Variants in CACNA1E observed in about 807,000 individuals in gnomAD.
CACNA1E encodes calcium voltage-gated channel subunit alpha1 E.
Under a neutral mutation model 259.2 loss-of-function variants are expected in CACNA1E, and 40 were observed. The observed-to-expected ratio is 0.15, with a 90% confidence interval of 0.12 to 0.20. The LOEUF is 0.20. Among genes scored for constraint, CACNA1E ranks in the 10% least tolerant of loss-of-function variants. CACNA1E has a pLI of 1.00. For synonymous variants in CACNA1E, 1,104 were observed against 1,138.5 expected (o/e 0.97, Z 0.61); for missense variants, 1,874 against 3,040.1 (o/e 0.62, Z 9.02).
Position 181,800,373 on chromosome 1 carries a change from T to C in CACNA1E, c.*1539T>C, listed in dbSNP as rs1662183173. 6.6e-6 allele frequency: 1 copy of C among 152,600 alleles called. No individual in the cohort carries two copies. Among genetic ancestry groups the C allele is most frequent in the African/African-American group, 2.4e-5 (1 of 41,416 alleles). The allele number at this position is 152,600 out of a possible 1,614,324, so 9.5% of individuals were successfully genotyped here. A position where few individuals can be genotyped will look rare whatever the true frequency, so the allele number is the denominator to read the frequency against. ...TGGGGCTGACAGTCCCACCCTGTCA[T>C]TCCTAATAGCCCAAACGCAGAAGCA... On this transcript the variant is annotated 3_prime_UTR_variant, in exon 48 of 48. Transcript: ENST00000367573.
At chr1:181,691,148 C>T (rs1246469955) in intron 7 of CACNA1E, among the ~76,000 whole-genome samples, 1 of 151,944 alleles carries the variant, frequency 6.6e-6, no homozygotes, top group Non-Finnish European at 1.5e-5. Context: ...CTATTAGCCT[C>T]ACTTTCAGTT....
rs1457641952 is a variant in CACNA1E, at chr1:181,804,501, A to G, written c.*5667A>G. The G allele has an allele frequency of 6.6e-6, 1 of 152,234 alleles. No individual in the cohort carries two copies. The highest frequency in any genetic ancestry group is 1.9e-4 in the East Asian group (1 of 5,202). 9.4% of individuals were successfully genotyped at this position (152,234 alleles called of 1,614,324 possible). A position where few individuals can be genotyped will look rare whatever the true frequency, so the allele number is the denominator to read the frequency against. On this transcript the variant is annotated 3_prime_UTR_variant, in exon 48 of 48. Coordinates refer to ENST00000367573, the MANE Select transcript of CACNA1E (RefSeq NM_001205293.3). Reference sequence around the variant, plus strand: ...AATTTTTTCAGGACATCTTTAACCAATACAAAATTTATGTCTTAAGAAGAT... The same window carrying G: ...AATTTTTTCAGGACATCTTTAACCAGTACAAAATTTATGTCTTAAGAAGAT...
intron 1 of CACNA1E, among the ~76,000 whole-genome samples, chr1:181,404,583 G>A (rs988138452): frequency 3.9e-5 from 6 of 152,224 alleles, no homozygotes; most frequent in African/African-American, 1.4e-4. Context: ...AGAGAAGAGA[G>A]TGGAATGAAG....
rs1663760938 is a variant in CACNA1E at position 181,485,845 on chromosome 1, C to G, written c.266+1835C>G. 6.6e-6 allele frequency among the ~76,000 whole-genome samples: 1 copy of G among 152,222 alleles called. No homozygotes were observed. The highest frequency in any genetic ancestry group is 1.5e-5 in the Non-Finnish European group (1 of 68,040). On this transcript the variant is annotated intron_variant, in intron 1 of 47. Transcript: ENST00000367573. The surrounding 1 kb of genome is among the most constrained non-coding windows in gnomAD (Gnocchi z 4.2). ...GCGTGTTTATTCAGACAGGCGCCCT[C>G]CCGTTTCTTTGCGGTAGACAAAGCC... is the stretch of plus-strand genomic sequence containing the variant.
At chr1:181,520,547 CACA>C (rs944179479) in intron 3 of CACNA1E, among the ~76,000 whole-genome samples, 1 of 152,008 alleles carries the variant, frequency 6.6e-6, no homozygotes, top group African/African-American at 2.4e-5. Flanking sequence ...AACTTGCAAC[CACA>C]GAAACAAATT....
intron 18 of CACNA1E, among the ~76,000 whole-genome samples, chr1:181,727,358 G>A (rs1469791812): frequency 6.6e-6 from 1 of 152,248 alleles, no homozygotes; most frequent in African/African-American, 2.4e-5. Flanking sequence ...ACTGCAGGAA[G>A]GAGGAGTGGG....
In CACNA1E at chr1:181,798,600, C is replaced by G. The variant is rs746438533; in HGVS notation, c.6708C>G (p.His2236Gln). The G allele has an allele frequency of 6.2e-7, 1 of 1,613,362 alleles. No individual in the cohort carries two copies. The highest frequency in any genetic ancestry group is 1.7e-5 in the Admixed American group (1 of 60,030). The change falls in exon 48 of 48, where the codon CAC becomes CAG. Residue 2236 changes from histidine to glutamine, a missense_variant. Coordinates refer to ENST00000367573, the MANE Select transcript of CACNA1E (RefSeq NM_001205293.3). The surrounding 1 kb of genome is among the most constrained non-coding windows in gnomAD (Gnocchi z 4.2). ...RYISEPYLAL[H>Q]EDSHASDCGE... is the part of the protein sequence containing the mutation. ...TCTCCGAGCCCTACTTGGCCCTGCA[C>G]GAAGACTCCCACGCCTCAGACTGTG...
chr1:181,385,270 T>G (rs1367891492), intron 1 of CACNA1E, among the ~76,000 whole-genome samples: 1 of 152,168 alleles, frequency 6.6e-6, no homozygotes, highest in African/African-American at 2.4e-5. Context: ...AGCTAGCGAG[T>G]GCAAGTAATA....
intron 6 of CACNA1E, among the ~76,000 whole-genome samples, chr1:181,597,890 A>G (rs1420644832): frequency 6.6e-6 from 1 of 152,168 alleles, no homozygotes; most frequent in African/African-American, 2.4e-5. Context: ...CCCAGGAAAG[A>G]CCTGCCCCCA....
At chr1:181,472,824 C>G (rs1273216527) in intron 2 of CACNA1E, among the ~76,000 whole-genome samples, 1 of 152,172 alleles carries the variant, frequency 6.6e-6, no homozygotes, top group African/African-American at 2.4e-5. Flanking sequence ...AAATGGCAGG[C>G]CTGCTGTTCA....
At chr1:181,550,966 G>A (rs751428229) in intron 3 of CACNA1E, among the ~76,000 whole-genome samples, 1 of 151,840 alleles carries the variant, frequency 6.6e-6, no homozygotes, top group African/African-American at 2.4e-5. Flanking sequence ...ACATCCTTAC[G>A]CTGTATCAGC....
chr1:181,733,298 G>T, intron 20 of CACNA1E, 139 bp from the exon 21 acceptor site: 1 of 820,120 alleles, frequency 1.2e-6, no homozygotes. Flanking sequence ...CTCTCTGCCT[G>T]TCTGGTTGGG....
chr1:181,773,777 T>C (rs1659731296), intron 37 of CACNA1E, among the ~76,000 whole-genome samples: 1 of 152,214 alleles, frequency 6.6e-6, no homozygotes, highest in Non-Finnish European at 1.5e-5. Context: ...TCTTATATGG[T>C]TTAAGTGTTT....
intron 41 of CACNA1E, among the ~76,000 whole-genome samples, chr1:181,785,117 G>A (rs1163225946): frequency 6.6e-6 from 1 of 152,146 alleles, no homozygotes; most frequent in Non-Finnish European, 1.5e-5. Flanking sequence ...GGGCATGCAA[G>A]CCCCCTGAGG....
intron 3 of CACNA1E, among the ~76,000 whole-genome samples, chr1:181,567,210 C>A (rs991301819): frequency 6.6e-6 from 1 of 152,064 alleles, no homozygotes; most frequent in African/African-American, 2.4e-5. Flanking sequence ...ATTTTAAATT[C>A]CAGAAGGGGT....
Position 181,798,953 on chromosome 1 carries a change from T to G in CACNA1E, c.*119T>G. ...GGAAAAGGAAGATGGAAGGACACCATGCATTATCAGAGAAGAGGAAGTAAA... is the reference window on the plus strand; with the variant it reads ...GGAAAAGGAAGATGGAAGGACACCAGGCATTATCAGAGAAGAGGAAGTAAA... On this transcript the variant is annotated 3_prime_UTR_variant, in exon 48 of 48. Coordinates refer to ENST00000367573, the MANE Select transcript of CACNA1E (RefSeq NM_001205293.3). This position sits in a 1 kb window ranked among gnomAD's most constrained non-coding sequence, Gnocchi z 4.2. 2 of 869,964 alleles carry G rather than the reference T, an allele frequency of 2.3e-6. No individual in the cohort carries two copies. Among genetic ancestry groups the G allele is most frequent in the Non-Finnish European group, 3.3e-6 (2 of 602,524 alleles). The allele number at this position is 869,964 out of a possible 1,614,324, so 53.9% of individuals were successfully genotyped here.
intron 7 of CACNA1E, among the ~76,000 whole-genome samples, chr1:181,707,474 C>T (rs757287799): frequency 4.6e-5 from 7 of 152,238 alleles, no homozygotes; most frequent in South Asian, 2.1e-4. Context: ...GTGGAAACAG[C>T]GCTTAACCTG....
At chr1:181,733,274 G>A (rs555649873) in intron 20 of CACNA1E, among the ~76,000 whole-genome samples, 163 bp from the exon 21 acceptor site, 31 of 152,358 alleles carry the variant, frequency 2.0e-4, no homozygotes, top group Middle Eastern at 6.8e-3. Flanking sequence ...GCCATGGCTT[G>A]TGGGTCTTAG....
chr1:181,567,851 G>T (rs1406579650), intron 3 of CACNA1E, among the ~76,000 whole-genome samples: 1 of 152,094 alleles, frequency 6.6e-6, no homozygotes. Context: ...AAAACCTTAA[G>T]TAAGGAAGAA....
Sources: allele counts gnomAD v4.1 joint callset (sites outside exome capture counted in the v4.1 genomes callset), GRCh38; gene constraint gnomAD v4.1.1; non-coding constraint Gnocchi (gnomAD v3.1); transcripts MANE v1.5; gene names NCBI Gene and HGNC (gene_info 2026-07-23, HGNC 2026-07-21).